CTCF: variants seen among roughly 807,000 people sequenced by gnomAD.
The protein encoded by CTCF is CCCTC-binding factor, also known as transcriptional repressor CTCF.
A neutral mutation model predicts 72.3 loss-of-function variants in CTCF; 7 were observed. The ratio of observed to expected loss-of-function variants is 0.10; its 90% CI spans 0.06 to 0.18. The LOEUF (loss-of-function observed/expected upper bound fraction) is 0.18. Ranked by LOEUF, CTCF falls within the 10% of genes least tolerant of loss-of-function variation. CTCF has a pLI of 1.00. For synonymous variants in CTCF, 374 were observed against 315.8 expected (o/e 1.18, Z -1.95); for missense variants, 516 against 949.1 (o/e 0.54, Z 6.00).
intron 2 of CTCF, among the ~76,000 whole-genome samples, chr16:67,576,162 A>AG (rs1357612339): frequency 6.6e-6 from 1 of 150,476 alleles, no homozygotes; most frequent in African/African-American, 2.4e-5. Flanking sequence ...AAAAAAAAAA[A>AG]CGGAAGGCTG....
At chr16:67,578,820 C>T (rs1377872195) in intron 2 of CTCF, among the ~76,000 whole-genome samples, 5 of 151,012 alleles carry the variant, frequency 3.3e-5, no homozygotes, top group Admixed American at 6.6e-5. Flanking sequence ...TGGTGGCAGG[C>T]GCCTGTAATC....
intron 2 of CTCF, among the ~76,000 whole-genome samples, chr16:67,587,779 CAA>C (rs1597692611): frequency 6.6e-6 from 1 of 152,058 alleles, no homozygotes; most frequent in African/African-American, 2.4e-5. Flanking sequence ...GGGAAAAAGA[CAA>C]AAGACTCATT....
intron 2 of CTCF, among the ~76,000 whole-genome samples, chr16:67,587,100 A>ATTTTTTT (rs754060008): frequency 4.1e-5 from 4 of 98,726 alleles, no homozygotes; most frequent in Non-Finnish European, 4.1e-5. Context: ...CTTCTTAAAC[A>ATTTTTTT]TTTTTTTTTT....
chr16:67,604,730 G>GTTTTTTTTTTTTTTTTT (rs533827293), intron 2 of CTCF, among the ~76,000 whole-genome samples: 6 of 123,738 alleles, frequency 4.8e-5, no homozygotes, highest in Non-Finnish European at 8.4e-5. Flanking sequence ...TTTCACCAGG[G>GTTTTTTTTTTTTTTTTT]TTTTTTTTTT....
chr16:67,611,492 T>C lies in CTCF; in HGVS notation c.660T>C (p.Asp220=), dbSNP rs1475653238. Residue 220 remains aspartate, a synonymous_variant, in exon 3 of 12, where the codon GAT becomes GAC. Transcript: ENST00000264010. The stretch of plus-strand genomic sequence containing the variant: ...TGCGTTATACAGAGGAGGGCAAAGA[T>C]GTAGATGTGTCTGTCTACGATTTTG... ...SKLRYTEEGK[D]VDVSVYDFEE... 1 of 1,614,196 alleles carries C rather than the reference T, an allele frequency of 6.2e-7. No homozygotes were observed. Among genetic ancestry groups the C allele is most frequent in the South Asian group, 1.1e-5 (1 of 91,084 alleles).
At chr16:67,580,772 A>ATTTTTTTTTTTTTTT (rs781616750) in intron 2 of CTCF, among the ~76,000 whole-genome samples, 1,239 of 119,994 alleles carry the variant, frequency 0.01, 65 homozygotes, top group African/African-American at 0.04. Flanking sequence ...GCCTGGCCAA[A>ATTTTTTTTTTTTTTT]TTTTTTTTTT....
chr16:67,595,414 A>G (rs1254668350), intron 2 of CTCF, among the ~76,000 whole-genome samples: 4 of 152,208 alleles, frequency 2.6e-5, no homozygotes, highest in Admixed American at 1.3e-4. Flanking sequence ...TCGTACAGAA[A>G]TCCAGTACTT....
chr16:67,600,571 G>A (rs909107925), intron 2 of CTCF, among the ~76,000 whole-genome samples: 21 of 152,096 alleles, frequency 1.4e-4, no homozygotes, highest in Admixed American at 1.3e-3. Context: ...TAGAGATGGG[G>A]TCTCCCCATG....
intron 4 of CTCF, chr16:67,615,968 T>A (rs909723587): frequency 4.6e-5 from 7 of 152,240 alleles, no homozygotes; most frequent in African/African-American, 1.7e-4. Flanking sequence ...ACCCCTTACC[T>A]GCTGCCCACA....
At chr16:67,574,641 CA>C (rs1293013669) in intron 2 of CTCF, among the ~76,000 whole-genome samples, 3 of 146,856 alleles carry the variant, frequency 2.0e-5, no homozygotes, top group African/African-American at 7.6e-5. Context: ...CACGCCCAGC[CA>C]AAAGCATCTT....
intron 4 of CTCF, chr16:67,615,349 T>A (rs8056699): frequency 0.033 from 5,049 of 152,354 alleles, 133 homozygotes; most frequent in South Asian, 0.06. Context: ...GCATGGTGGC[T>A]CACAACCTGT....
rs1229627051 is a variant in CTCF, at chr16:67,604,992, T to TTG, written c.-9-5832_-9-5831insTG. ...TTTTTTTTTTTTTTTTTTTTTTTTT[T>TTG]GAGACAGTCTCGCTCTGTCTCCCAG... On this transcript the variant is annotated intron_variant, in intron 2 of 11. Coordinates refer to ENST00000264010, the MANE Select transcript of CTCF (RefSeq NM_006565.4). 1.5e-3 allele frequency among the ~76,000 whole-genome samples: 217 copies of TTG among 141,916 alleles called. 3 individuals are homozygous for TTG. The highest frequency in any genetic ancestry group is 5.5e-3 in the African/African-American group (206 of 37,614). 93.1% of individuals were successfully genotyped at this position (141,916 alleles called of 152,430 possible). A position where few individuals can be genotyped will look rare whatever the true frequency, so the allele number is the denominator to read the frequency against.
intron 2 of CTCF, among the ~76,000 whole-genome samples, chr16:67,605,482 A>G (rs955166267): frequency 6.6e-6 from 1 of 152,192 alleles, no homozygotes; most frequent in Non-Finnish European, 1.5e-5. Flanking sequence ...ACAAGGGACT[A>G]ATGAAAGAAA....
At chr16:67,618,930 T>C (rs77487885) in intron 5 of CTCF, among the ~76,000 whole-genome samples, 5,037 of 152,142 alleles carry the variant, frequency 0.033, 127 homozygotes, top group South Asian at 0.061. Flanking sequence ...AATTTGAAAA[T>C]AGAATGAGGG....
intron 8 of CTCF, among the ~76,000 whole-genome samples, 186 bp from the exon 9 acceptor site, chr16:67,628,184 C>T (rs2052316847): frequency 6.6e-6 from 1 of 152,212 alleles, no homozygotes; most frequent in Admixed American, 6.5e-5. Context: ...CACACCACTG[C>T]TCTCCAGACT....
chr16:67,569,687 C>CTTT lies in CTCF; in HGVS notation c.-126-1450_-126-1448dup, dbSNP rs879842564. 7.0e-5 allele frequency among the ~76,000 whole-genome samples: 10 copies of CTTT among 142,030 alleles called. No individual in the cohort carries two copies. The East Asian group carries it at 2.1e-3, about 29-fold the overall frequency. The allele number at this position is 142,030 out of a possible 152,430, so 93.2% of individuals were successfully genotyped here. A position where few individuals can be genotyped will look rare whatever the true frequency, so the allele number is the denominator to read the frequency against. ...AGTAAAAGCTCCTTTTGCCAGTTAT[C>CTTT]TTTTTTTTTTTTTAATGAGACGGAG... On this transcript the variant is annotated intron_variant, in intron 1 of 11. Coordinates refer to ENST00000264010, the MANE Select transcript of CTCF (RefSeq NM_006565.4).
At chr16:67,631,146 C>CTTTG (rs1211118082) in intron 10 of CTCF, among the ~76,000 whole-genome samples, 1 of 127,170 alleles carries the variant, frequency 7.9e-6, no homozygotes, top group African/African-American at 3.4e-5. Flanking sequence ...TTTTTTTGTT[C>CTTTG]TTTGTTTGTT....
intron 2 of CTCF, among the ~76,000 whole-genome samples, chr16:67,599,174 A>G (rs1032875319): frequency 6.6e-6 from 1 of 152,160 alleles, no homozygotes; most frequent in Non-Finnish European, 1.5e-5. Context: ...AGGCTGGTGG[A>G]TCACGAGGTC....
At chr16:67,565,845 T>C (rs1251232820) in intron 1 of CTCF, among the ~76,000 whole-genome samples, 1 of 152,236 alleles carries the variant, frequency 6.6e-6, no homozygotes, top group Non-Finnish European at 1.5e-5. Flanking sequence ...ACCTGGGACT[T>C]CTGAATGGCT....
Sources: allele counts gnomAD v4.1 joint callset (sites outside exome capture counted in the v4.1 genomes callset), GRCh38; gene constraint gnomAD v4.1.1; transcripts MANE v1.5; gene names NCBI Gene and HGNC (gene_info 2026-07-23, HGNC 2026-07-21).